Variants in CLUAP1 observed in about 807,000 individuals in gnomAD.
CLUAP1 encodes the protein clusterin-associated protein 1.
A neutral mutation model predicts 55.0 loss-of-function variants in CLUAP1; 50 were observed. The ratio of observed to expected loss-of-function variants is 0.91; its 90% CI spans 0.72 to 1.15. The LOEUF (loss-of-function observed/expected upper bound fraction) is 1.15, where lower values mean the gene tolerates loss of function less well. Ranked by LOEUF, CLUAP1 falls within the 50% of genes most tolerant of loss-of-function variation. CLUAP1 has a pLI of 0.00. For missense variants in CLUAP1, 530 were observed against 507.6 expected, an observed-to-expected ratio of 1.04 and a Z score of -0.42; for synonymous variants, 195 against 175.4, an observed-to-expected ratio of 1.11 and a Z score of -0.88.
intron 11 of CLUAP1, chr16:3,535,863 C>G: frequency 2.1e-6 from 1 of 469,190 alleles, no homozygotes. Context: ...GCTTCTTAGA[C>G]GCTGCGGGAA....
intron 9 of CLUAP1, among the ~76,000 whole-genome samples, chr16:3,529,770 TTATTATATATTA>T (rs2038064903): frequency 1.9e-5 from 1 of 53,522 alleles, no homozygotes; most frequent in African/African-American, 8.7e-5. Flanking sequence ...ATATATTATA[TTATTATATATTA>T]TATAATATAT....
intron 4 of CLUAP1, among the ~76,000 whole-genome samples, chr16:3,509,722 C>G (rs1014142711): frequency 1.3e-5 from 2 of 152,230 alleles, no homozygotes; most frequent in African/African-American, 4.8e-5. Context: ...ACTGGCTGAG[C>G]TCCAAGTCTG....
chr16:3,537,341 T>C lies in CLUAP1; in HGVS notation c.*1070T>C, dbSNP rs536705600. ...GTTGTGAAATTAGAAGTGGAGTTGG[T>C]TTTTTTCTTTTTTCTTCTTCTTTTT... is the stretch of plus-strand genomic sequence containing the variant. On this transcript the variant is annotated 3_prime_UTR_variant, in exon 12 of 12. Coordinates refer to ENST00000576634, the MANE Select transcript of CLUAP1 (RefSeq NM_015041.3). The C allele has an allele frequency of 6.6e-6, 1 of 152,234 alleles. No homozygotes were observed. Among genetic ancestry groups the C allele is most frequent in the Non-Finnish European group, 1.5e-5 (1 of 68,014 alleles). The allele number at this position is 152,234 out of a possible 1,614,324, so 9.4% of individuals were successfully genotyped here.
chr16:3,503,100 C>G (rs1001405632), intron 1 of CLUAP1, among the ~76,000 whole-genome samples: 1 of 152,016 alleles, frequency 6.6e-6, no homozygotes, highest in Non-Finnish European at 1.5e-5. Context: ...CCAGCCTCCC[C>G]AGTAACTGGA....
rs2037708478 is a variant in CLUAP1, at chr16:3,515,263, C to T, written c.496-245C>T. 6 of 328,520 alleles carry T rather than the reference C, an allele frequency of 1.8e-5. No individual in the cohort carries two copies. In the East Asian group the frequency reaches 2.6e-4, roughly 14 times the overall value. 20.4% of individuals were successfully genotyped at this position (328,520 alleles called of 1,614,324 possible). A position where few individuals can be genotyped will look rare whatever the true frequency, so the allele number is the denominator to read the frequency against. Reference sequence around the variant, plus strand: ...AATGGATGCTAAGTTCAGTTTTGCTCATAGAGTTGGGGTCACCTAGGCCTC... The same window carrying T: ...AATGGATGCTAAGTTCAGTTTTGCTTATAGAGTTGGGGTCACCTAGGCCTC... On this transcript the variant is annotated intron_variant, in intron 5 of 11. Coordinates refer to ENST00000576634, the MANE Select transcript of CLUAP1 (RefSeq NM_015041.3).
At chr16:3,531,307 T>C (rs1262806211) in intron 10 of CLUAP1, among the ~76,000 whole-genome samples, 1 of 151,890 alleles carries the variant, frequency 6.6e-6, no homozygotes, top group Non-Finnish European at 1.5e-5. Flanking sequence ...GATCACGAGG[T>C]CAAGAGATCG....
chr16:3,501,886 G>A (rs2037410799), intron 1 of CLUAP1, among the ~76,000 whole-genome samples: 1 of 152,052 alleles, frequency 6.6e-6, no homozygotes, highest in Admixed American at 6.5e-5. Flanking sequence ...GCCAGGGCCC[G>A]CTCTGTGTTA....
At chr16:3,500,613 C>T (rs2037371910), upstream of CLUAP1, among the ~76,000 whole-genome samples, 1 of 152,146 alleles carries the variant, frequency 6.6e-6, no homozygotes, top group African/African-American at 2.4e-5. Flanking sequence ...TCAAGTGATC[C>T]GCCCGCCTCG....
upstream of CLUAP1, chr16:3,500,903 C>G (rs1372669390): frequency 2.8e-6 from 2 of 726,028 alleles, no homozygotes; most frequent in Non-Finnish European, 4.6e-6. Flanking sequence ...CCCGCTCTCC[C>G]CGTGCGTATG....
intron 7 of CLUAP1, among the ~76,000 whole-genome samples, chr16:3,520,244 C>CA (rs1326054191): frequency 6.6e-6 from 1 of 151,856 alleles, no homozygotes; most frequent in Non-Finnish European, 1.5e-5. Context: ...TGGTGATACA[C>CA]ACCTGTAGTC....
At chr16:3,534,788 G>T (rs1366340082) in intron 11 of CLUAP1, 1 of 152,292 alleles carries the variant, frequency 6.6e-6, no homozygotes, top group Non-Finnish European at 1.5e-5. Context: ...AAGGGGCTTG[G>T]AAGGCAGATC....
At chr16:3,519,768 G>T in intron 6 of CLUAP1, 135 bp from the exon 7 acceptor site, 1 of 783,102 alleles carries the variant, frequency 1.3e-6, no homozygotes, top group Non-Finnish European at 1.9e-6. Flanking sequence ...TCATTGCTTG[G>T]GGAAGTGTCT....
upstream of CLUAP1, among the ~76,000 whole-genome samples, chr16:3,498,366 A>G (rs531993617): frequency 6.6e-6 from 1 of 152,264 alleles, no homozygotes; most frequent in South Asian, 2.1e-4. Flanking sequence ...CTGAAAAATA[A>G]TGTTTTACCA....
intron 11 of CLUAP1, chr16:3,533,243 T>G: frequency 1.9e-6 from 2 of 1,034,700 alleles, no homozygotes; most frequent in Non-Finnish European, 2.9e-6. Context: ...GAGTGATGCT[T>G]CCTCTCTCCT....
intron 2 of CLUAP1, among the ~76,000 whole-genome samples, chr16:3,505,236 A>G (rs1002951674): frequency 1.3e-5 from 2 of 152,132 alleles, no homozygotes; most frequent in Admixed American, 1.3e-4. Flanking sequence ...CTGTGTCTCA[A>G]AAAACAAAAT....
chr16:3,512,271 G>C (rs2037642861), intron 4 of CLUAP1, 112 bp from the exon 5 acceptor site: 2 of 726,480 alleles, frequency 2.8e-6, no homozygotes, highest in Middle Eastern at 3.1e-4. Flanking sequence ...TGAGGTCGGA[G>C]GGTCACTTGA....
chr16:3,506,416 G>T lies in CLUAP1; in HGVS notation c.219+1G>T. 2 of 1,608,240 alleles carry T rather than the reference G, an allele frequency of 1.2e-6. No homozygotes were observed. The highest frequency in any genetic ancestry group is 1.7e-6 in the Non-Finnish European group (2 of 1,174,650). On this transcript the variant is annotated splice_donor_variant, in intron 3 of 11. Transcript: ENST00000576634. LOFTEE classifies it high-confidence loss of function. The stretch of plus-strand genomic sequence containing the variant: ...CATTAAGGCAATTGCCCAGTTCATG[G>T]TTAGTGGACACTTATTTTGTGGAGT...
chr16:3,502,479 T>G (rs2037425264), intron 1 of CLUAP1, among the ~76,000 whole-genome samples: 1 of 151,524 alleles, frequency 6.6e-6, no homozygotes, highest in East Asian at 1.9e-4. Context: ...AGATGATGAT[T>G]GCCAATTTGG....
chr16:3,529,141 C>T (rs2038006279), intron 9 of CLUAP1, among the ~76,000 whole-genome samples: 1 of 151,832 alleles, frequency 6.6e-6, no homozygotes, highest in South Asian at 2.1e-4. Context: ...TGCACATCCT[C>T]CCATATACTT....
Sources: allele counts gnomAD v4.1 joint callset (sites outside exome capture counted in the v4.1 genomes callset), GRCh38; gene constraint gnomAD v4.1.1; transcripts MANE v1.5; gene names NCBI Gene and HGNC (gene_info 2026-07-23, HGNC 2026-07-21).